TNIK: variants seen among roughly 807,000 people sequenced by gnomAD.
The protein encoded by TNIK is TRAF2 and NCK interacting kinase.
In TNIK, 49 loss-of-function variants were observed where a neutral mutation model predicts 191.3. That is an observed-to-expected ratio of 0.26 (90% CI 0.20 to 0.32). The LOEUF is 0.32. Ranked by LOEUF, TNIK falls within the 10% of genes least tolerant of loss-of-function variation. The pLI is 1.00. For missense variants in TNIK, 1,155 were observed against 1,702.3 expected (o/e 0.68, Z 5.66); for synonymous variants, 594 against 600.9 (o/e 0.99, Z 0.17).
rs1223491763 is a variant in TNIK at position 171,159,420 on chromosome 3, G to A, written c.1017-1756C>T. On this transcript the variant is annotated intron_variant, in intron 11 of 32. Transcript: ENST00000436636. The surrounding 1 kb of genome is among the most constrained non-coding windows in gnomAD (Gnocchi z 4.1). ...GGAGAGTAGTTAGTGTGCTGTGTGA[G>A]ATACTGCCATGAAAAGACATAAAAA... is the stretch of plus-strand genomic sequence containing the variant. Among the ~76,000 whole-genome samples the A allele has an allele frequency of 6.6e-6, 1 of 152,082 alleles. No individual in the cohort carries two copies. The highest frequency in any genetic ancestry group is 1.5e-5 in the Non-Finnish European group (1 of 68,022).
chr3:171,326,248 G>A lies in TNIK; in HGVS notation c.123+43372C>T, dbSNP rs528544246. Among the ~76,000 whole-genome samples the A allele has an allele frequency of 2.2e-3, 335 of 152,210 alleles. 1 individual carries two copies. Among genetic ancestry groups the A allele is most frequent in the African/African-American group, 7.8e-3 (325 of 41,534 alleles). On this transcript the variant is annotated intron_variant, in intron 2 of 32. Transcript: ENST00000436636. The stretch of plus-strand genomic sequence containing the variant: ...TTGGTTTTAAATGTTTTTAAAATTT[G>A]TTAGTGTATTTCTTTGGCTTTATTA...
At chr3:171,234,369 TC>T (rs1744016303) in intron 2 of TNIK, among the ~76,000 whole-genome samples, 1 of 152,232 alleles carries the variant, frequency 6.6e-6, no homozygotes. Flanking sequence ...AACCCTGCTC[TC>T]CATATGTGCA....
intron 10 of TNIK, among the ~76,000 whole-genome samples, chr3:171,161,930 TATA>T (rs910872496): frequency 6.6e-5 from 10 of 151,730 alleles, no homozygotes; most frequent in African/African-American, 2.4e-4. Flanking sequence ...AAAATAATAA[TATA>T]ATAATAATAA....
At chr3:171,278,608 C>A (rs958191540) in intron 2 of TNIK, among the ~76,000 whole-genome samples, 2 of 152,148 alleles carry the variant, frequency 1.3e-5, no homozygotes, top group African/African-American at 4.8e-5. Flanking sequence ...AAATCCAATT[C>A]ATGGGAAGAC....
Position 171,123,620 on chromosome 3 carries a change from A to G in TNIK, c.2096T>C (p.Leu699Pro). The change falls in exon 18 of 33, where the codon CTA (leucine) becomes CCA (proline). Residue 699 changes from leucine (L) to proline (P), a missense_variant. Transcript: ENST00000436636. ...CCTTGCTCTGATGGGTTGAGATCCT[A>G]GTCTGGGTCCCAGAGCACTACCATT... is the stretch of plus-strand genomic sequence containing the variant. ...PGNGSALGPR[L>P]GSQPIRASNP... is the part of the protein sequence containing the mutation. The G allele has an allele frequency of 6.4e-7, 1 of 1,570,008 alleles. No individual in the cohort carries two copies. The highest frequency in any genetic ancestry group is 2.3e-5 in the East Asian group (1 of 43,298).
chr3:171,235,791 G>A (rs752770030), intron 2 of TNIK, among the ~76,000 whole-genome samples: 13 of 151,678 alleles, frequency 8.6e-5, no homozygotes, highest in Middle Eastern at 3.4e-3. Context: ...TATAGAGTGA[G>A]ATTTTAGTAT....
chr3:171,231,559 C>A (rs1743652874), intron 2 of TNIK, among the ~76,000 whole-genome samples: 1 of 152,044 alleles, frequency 6.6e-6, no homozygotes, highest in South Asian at 2.1e-4. Flanking sequence ...CGCGCTAGAG[C>A]AGGAAGGATG....
intron 31 of TNIK, 109 bp downstream of exon 31, chr3:171,066,467 A>ATTTTTTTTTTTTT: frequency 7.6e-7 from 1 of 1,312,150 alleles, no homozygotes; most frequent in Non-Finnish European, 1.0e-6. Context: ...TTATTCACAG[A>ATTTTTTTTTTTTT]TTTTTTTTTT....
At chr3:171,203,048 C>T (rs1006412258) in intron 4 of TNIK, among the ~76,000 whole-genome samples, 2 of 151,956 alleles carry the variant, frequency 1.3e-5, no homozygotes, top group Non-Finnish European at 2.9e-5. Context: ...TAAATTTTAA[C>T]TGTTCAAAGG....
chr3:171,267,632 A>C (rs1359819690), intron 2 of TNIK, among the ~76,000 whole-genome samples: 1 of 152,234 alleles, frequency 6.6e-6, no homozygotes, highest in African/African-American at 2.4e-5. Flanking sequence ...AAATCAGCCT[A>C]TTAATAACAT....
chr3:171,247,422 T>A (rs1371184661), intron 2 of TNIK, among the ~76,000 whole-genome samples: 2 of 152,196 alleles, frequency 1.3e-5, no homozygotes, highest in African/African-American at 2.4e-5. Flanking sequence ...GAAGATAACA[T>A]CTCTGGCTTG....
At position 171,343,996 on chromosome 3, in the gene TNIK, T is replaced by C. The variant is rs540971322; in HGVS notation, c.123+25624A>G. 3.7e-4 allele frequency among the ~76,000 whole-genome samples: 56 copies of C among 152,286 alleles called. 1 individual carries two copies. Among genetic ancestry groups the C allele is most frequent in the African/African-American group, 1.3e-3 (56 of 41,574 alleles). On this transcript the variant is annotated intron_variant, in intron 2 of 32. Transcript: ENST00000436636. ...GCAGAAATCAACATTTCAAACTGAA[T>C]GTGTTTCCTCCCTCCTTCCCATTGC...
intron 2 of TNIK, among the ~76,000 whole-genome samples, chr3:171,303,184 A>G (rs1327331538): frequency 6.6e-6 from 1 of 152,140 alleles, no homozygotes; most frequent in Non-Finnish European, 1.5e-5. Flanking sequence ...CTTACCTTTT[A>G]TTGTTCAATT....
intron 1 of TNIK, among the ~76,000 whole-genome samples, chr3:171,447,131 C>T (rs779747609): frequency 6.6e-6 from 1 of 152,164 alleles, no homozygotes; most frequent in Non-Finnish European, 1.5e-5. Context: ...GCAGAGGTTG[C>T]AGTGAGCAGA....
intron 2 of TNIK, among the ~76,000 whole-genome samples, chr3:171,360,128 C>G: frequency 6.6e-6 from 1 of 152,296 alleles, no homozygotes; most frequent in Non-Finnish European, 1.5e-5. Context: ...CCATCCCTAA[C>G]AGAAAATCTC....
chr3:171,426,969 A>G (rs1176036259), intron 1 of TNIK, among the ~76,000 whole-genome samples: 2 of 152,236 alleles, frequency 1.3e-5, no homozygotes, highest in Non-Finnish European at 2.9e-5. Context: ...GTCCAAGATA[A>G]GTGGAAGTGC....
chr3:171,128,698 T>C lies in TNIK; in HGVS notation c.1773+16A>G, dbSNP rs1433954829. On this transcript the variant is annotated intron_variant, in intron 16 of 32. Transcript: ENST00000436636. ...CAACTTATTGGAATGCCTGATGGAA[T>C]GGAGGCAGACTGTACCTGGGGATCG... 6 of 1,596,580 alleles carry C rather than the reference T, an allele frequency of 3.8e-6. No individual in the cohort carries two copies. The African/African-American group carries it at 8.1e-5, about 22-fold the overall frequency.
At chr3:171,338,826 G>A (rs1445847860) in intron 2 of TNIK, among the ~76,000 whole-genome samples, 1 of 151,944 alleles carries the variant, frequency 6.6e-6, no homozygotes, top group Non-Finnish European at 1.5e-5. Flanking sequence ...TCTCTTTATA[G>A]GAATTGCCTA....
At chr3:171,110,663 C>T in intron 19 of TNIK, 51 bp downstream of exon 19, 1 of 1,519,486 alleles carries the variant, frequency 6.6e-7, no homozygotes, top group Non-Finnish European at 8.9e-7. Flanking sequence ...TCCCTGTCCA[C>T]AGCTTTCCTC....
Sources: allele counts gnomAD v4.1 joint callset (sites outside exome capture counted in the v4.1 genomes callset), GRCh38; gene constraint gnomAD v4.1.1; non-coding constraint Gnocchi (gnomAD v3.1); transcripts MANE v1.5; gene names NCBI Gene and HGNC (gene_info 2026-07-23, HGNC 2026-07-21).